COL4A2: variants seen among roughly 807,000 people sequenced by gnomAD.
COL4A2 encodes collagen type IV alpha 2 chain, also known as collagen alpha-2(IV) chain.
In COL4A2, 99 loss-of-function variants were observed where a neutral mutation model predicts 200.2. The ratio of observed to expected loss-of-function variants is 0.49; its 90% CI spans 0.42 to 0.58. The LOEUF (loss-of-function observed/expected upper bound fraction) is 0.58, where lower values mean the gene tolerates loss of function less well. Ranked by LOEUF, COL4A2 falls within the 20% of genes least tolerant of loss-of-function variation. COL4A2 has a pLI of 0.00. For synonymous variants in COL4A2, 897 were observed against 900.6 expected, an observed-to-expected ratio of 1.00 and a Z score of 0.07; for missense variants, 1,950 against 2,314.1, an observed-to-expected ratio of 0.84 and a Z score of 3.23.
chr13:110,498,413 C>T (rs1017130817), intron 40 of COL4A2, among the ~76,000 whole-genome samples: 6 of 152,108 alleles, frequency 3.9e-5, no homozygotes, highest in Non-Finnish European at 7.4e-5. Flanking sequence ...GAGGAGATCC[C>T]GCACAGGGAG....
chr13:110,323,158 T>C (rs1362657181), intron 3 of COL4A2, among the ~76,000 whole-genome samples: 3 of 152,176 alleles, frequency 2.0e-5, no homozygotes, highest in Non-Finnish European at 1.5e-5. Context: ...TGTCAGTCCA[T>C]GGGAAGTCCA....
chr13:110,380,365 G>C (rs1424298752), intron 4 of COL4A2, among the ~76,000 whole-genome samples: 2 of 152,168 alleles, frequency 1.3e-5, no homozygotes, highest in Non-Finnish European at 2.9e-5. Flanking sequence ...TTTCACAAGA[G>C]GAACTTTTCC....
Position 110,503,202 on chromosome 13 carries a change from G to C in COL4A2, c.3959G>C (p.Gly1320Ala), listed in dbSNP as rs377710650. ...KGDTGNPGAP[G>A]TPGTKGWAGD... ...GACACAGGGAACCCAGGAGCTCCAG[G>C]AACCCCAGGGACCAAAGGATGGGCC... Residue 1320 changes from glycine to alanine, a missense_variant, in exon 42 of 48, where the codon GGA becomes GCA. By Grantham distance (60) the Gly-to-Ala change is moderately conservative. Transcript: ENST00000360467. 3.7e-6 allele frequency: 6 copies of C among 1,613,998 alleles called. No individual in the cohort carries two copies. The highest frequency in any genetic ancestry group is 3.4e-6 in the Non-Finnish European group (4 of 1,180,004).
intron 12 of COL4A2, 64 bp from the exon 13 acceptor site, chr13:110,436,205 T>C (rs1880863432): frequency 6.2e-7 from 1 of 1,610,058 alleles, no homozygotes; most frequent in African/African-American, 1.3e-5. Flanking sequence ...AGGTTGTATT[T>C]GTATTCGAGT....
chr13:110,401,510 G>T (rs1005449756), intron 4 of COL4A2, among the ~76,000 whole-genome samples: 6 of 152,156 alleles, frequency 3.9e-5, no homozygotes, highest in Non-Finnish European at 7.4e-5. Flanking sequence ...CTTTTAAAAA[G>T]CTTCTTCAAA....
In COL4A2 at chr13:110,513,044, G is replaced by A. The variant is rs1193246565; in HGVS notation, c.*853G>A. On this transcript the variant is annotated 3_prime_UTR_variant, in exon 48 of 48. Transcript: ENST00000360467. Reference sequence around the variant, plus strand: ...ATTTTTAAACCCCGAGTTGTTGACCGCCTTAATCTCGTGTCCATAGAGCAA... The same window carrying A: ...ATTTTTAAACCCCGAGTTGTTGACCACCTTAATCTCGTGTCCATAGAGCAA... The A allele has an allele frequency of 2.0e-5, 3 of 152,178 alleles. No homozygotes were observed. Among genetic ancestry groups the A allele is most frequent in the East Asian group, 3.8e-4 (2 of 5,196 alleles). The allele number at this position is 152,178 out of a possible 1,614,324, so 9.4% of individuals were successfully genotyped here. A position where few individuals can be genotyped will look rare whatever the true frequency, so the allele number is the denominator to read the frequency against.
chr13:110,489,575 A>G, intron 35 of COL4A2, 67 bp downstream of exon 35: 1 of 1,595,260 alleles, frequency 6.3e-7, no homozygotes. Context: ...ATGTGAGCCA[A>G]TTTCAGACCT....
chr13:110,505,585 G>T (rs966261435), intron 45 of COL4A2, among the ~76,000 whole-genome samples: 1 of 152,172 alleles, frequency 6.6e-6, no homozygotes, highest in Non-Finnish European at 1.5e-5. Context: ...CCCTTGGAAG[G>T]GGAGGGGACA....
At position 110,450,323 on chromosome 13, in the gene COL4A2, C is replaced by G; in HGVS notation, c.1208C>G (p.Pro403Arg). Reference protein sequence around the residue: ...IGDGDQRRGLPGEMGPKGFIG... With the variant: ...IGDGDQRRGLRGEMGPKGFIG... ...GTTTCAGATCAGAGGAGAGGCCTGC[C>G]GGGTGAGATGGGACCCAAGGGCTTC... The change falls in exon 20 of 48, where the codon CCG (proline) becomes CGG (arginine). Residue 403 changes from proline to arginine, a missense_variant. By Grantham distance (103) the Pro-to-Arg change is moderately radical. This residue lies in a region of COL4A2 where 565 missense variants were observed against 593.5 expected (regional missense o/e 0.95). Coordinates refer to ENST00000360467, the MANE Select transcript of COL4A2 (RefSeq NM_001846.4). The G allele has an allele frequency of 6.2e-7, 1 of 1,613,656 alleles. No individual in the cohort carries two copies. The highest frequency in any genetic ancestry group is 8.5e-7 in the Non-Finnish European group (1 of 1,179,676).
At position 110,508,128 on chromosome 13, in the gene COL4A2, G is replaced by A. The variant is rs544072830; in HGVS notation, c.4788G>A (p.Pro1596=). ...GCCGCTGTTCTGTGTGTGAGGCCCC[G>A]GCCATCGCCATCGCGGTCCACAGTC... ...YISRCSVCEA[P]AIAIAVHSQD... Residue 1596 remains proline (P), a synonymous_variant, in exon 47 of 48, where the codon CCG becomes CCA. Transcript: ENST00000360467. This position sits in a 1 kb window ranked among gnomAD's most constrained non-coding sequence, Gnocchi z 6.1. 49 of 1,614,226 alleles carry A rather than the reference G, an allele frequency of 3.0e-5. No individual in the cohort carries two copies. The highest frequency in any genetic ancestry group is 2.0e-4 in the Admixed American group (12 of 60,032).
intron 40 of COL4A2, among the ~76,000 whole-genome samples, chr13:110,496,206 T>G (rs1883448405): frequency 6.6e-6 from 1 of 152,212 alleles, no homozygotes; most frequent in South Asian, 2.1e-4. Context: ...CCTGAGTTTT[T>G]CTAGTGCCAA....
intron 18 of COL4A2, 50 bp from the exon 19 acceptor site, chr13:110,449,629 A>G: frequency 6.7e-7 from 1 of 1,492,642 alleles, no homozygotes; most frequent in Non-Finnish European, 9.0e-7. Context: ...GCCAGCTGCG[A>G]TCCGTAGACC....
intron 30 of COL4A2, 78 bp from the exon 31 acceptor site, chr13:110,480,142 C>G: frequency 7.0e-7 from 1 of 1,419,712 alleles, no homozygotes. Flanking sequence ...ACTGAACACT[C>G]AATGCCGTAA....
chr13:110,455,197 C>T (rs540114664), intron 20 of COL4A2, among the ~76,000 whole-genome samples: 2 of 152,288 alleles, frequency 1.3e-5, no homozygotes, highest in South Asian at 4.1e-4. Flanking sequence ...CCTTGATGCC[C>T]TTTAATGGCT....
rs60333796 is a variant in COL4A2 at position 110,509,270 on chromosome 13, T to TACACAC, written c.4881+1071_4881+1076dup. Among the ~76,000 whole-genome samples, 73 of 115,574 alleles carry TACACAC rather than the reference T, an allele frequency of 6.3e-4. 2 individuals are homozygous for TACACAC. Among genetic ancestry groups the TACACAC allele is most frequent in the African/African-American group, 1.1e-3 (31 of 28,742 alleles). 75.8% of individuals were successfully genotyped at this position (115,574 alleles called of 152,430 possible). ...TTATATATATATATATATATATATA[T>TACACAC]ACACACACACACACACACACACACA... On this transcript the variant is annotated intron_variant, in intron 47 of 47. Coordinates refer to ENST00000360467, the MANE Select transcript of COL4A2 (RefSeq NM_001846.4).
chr13:110,390,128 A>G (rs561915302), intron 4 of COL4A2, among the ~76,000 whole-genome samples: 108 of 152,322 alleles, frequency 7.1e-4, no homozygotes, highest in Middle Eastern at 3.4e-3. Flanking sequence ...GCCAGCTACT[A>G]TGCTAGGTGC....
intron 3 of COL4A2, among the ~76,000 whole-genome samples, chr13:110,333,260 C>T (rs1556122): frequency 0.63 from 95,899 of 152,126 alleles, 31,212 homozygotes; most frequent in East Asian, 0.92. Flanking sequence ...GAAGGACCAC[C>T]GCTTACTCTT....
At chr13:110,416,951 T>G (rs1051243262) in intron 4 of COL4A2, among the ~76,000 whole-genome samples, 4 of 152,118 alleles carry the variant, frequency 2.6e-5, no homozygotes, top group African/African-American at 9.7e-5. Flanking sequence ...AGCTAGGTCT[T>G]GGTTTCTTCA....
rs1328473874 is a variant in COL4A2, at chr13:110,462,399, A to C, written c.1776+15A>C. The C allele has an allele frequency of 1.2e-6, 2 of 1,611,558 alleles. No individual in the cohort carries two copies. The highest frequency in any genetic ancestry group is 1.7e-6 in the Non-Finnish European group (2 of 1,179,516). On this transcript the variant is annotated intron_variant, in intron 24 of 47. Transcript: ENST00000360467. ...CAGGCCCTCCCGTGAGTAGCCACAA[A>C]CTGCGGCAGCTCCGTCCTCTCTTCT...
Sources: gnomAD v4.1 joint callset for allele counts (sites outside exome capture counted in the v4.1 genomes callset) on GRCh38, gnomAD v4.1.1 for gene constraint, gnomAD v4.1.1 regional missense constraint, Gnocchi (gnomAD v3.1) non-coding constraint, MANE v1.5 for transcripts, NCBI Gene and HGNC (gene_info 2026-07-23, HGNC 2026-07-21) for gene names.